Variants in EEA1 observed in about 807,000 individuals in gnomAD.
The protein encoded by EEA1 is early endosome antigen 1.
A neutral mutation model predicts 209.2 loss-of-function variants in EEA1; 111 were observed. That is an observed-to-expected ratio of 0.53 (90% confidence interval 0.45 to 0.62). The LOEUF is 0.62. EEA1 is among the 20% of genes least tolerant of loss of function. The pLI is 0.00. For synonymous variants in EEA1, 536 were observed against 540.6 expected, an observed-to-expected ratio of 0.99 and a Z score of 0.12; for missense variants, 1,343 against 1,530.8, an observed-to-expected ratio of 0.88 and a Z score of 2.05.
At chr12:92,847,928 CTAA>C (rs1294235314) in intron 9 of EEA1, among the ~76,000 whole-genome samples, 1 of 151,928 alleles carries the variant, frequency 6.6e-6, no homozygotes, top group African/African-American at 2.4e-5. Context: ...GAGTTTGTTT[CTAA>C]TAATAATATT....
Position 92,827,894 on chromosome 12 carries a change from T to C in EEA1, c.1404+18A>G. 2.0e-6 allele frequency: 3 copies of C among 1,525,630 alleles called. No individual in the cohort carries two copies. The highest frequency in any genetic ancestry group is 2.6e-6 in the Non-Finnish European group (3 of 1,141,194). The allele number at this position is 1,525,630 out of a possible 1,614,324, so 94.5% of individuals were successfully genotyped here. A position where few individuals can be genotyped will look rare whatever the true frequency, so the allele number is the denominator to read the frequency against. On this transcript the variant is annotated intron_variant, in intron 12 of 28. Coordinates refer to ENST00000322349, the MANE Select transcript of EEA1 (RefSeq NM_003566.4). The stretch of plus-strand genomic sequence containing the variant: ...AAGATGCCTCAAGCCTATCAATAAA[T>C]TGAAAATGCTAGCTTACCTGCTCTT...
chr12:92,810,268 AAT>A, intron 17 of EEA1, among the ~76,000 whole-genome samples: 1 of 152,284 alleles, frequency 6.6e-6, no homozygotes, highest in African/African-American at 2.4e-5. Flanking sequence ...CTATATAAAA[AAT>A]ATGATACTCC....
intron 10 of EEA1, among the ~76,000 whole-genome samples, chr12:92,837,678 A>C (rs1010609193): frequency 1.3e-5 from 2 of 152,188 alleles, no homozygotes; most frequent in African/African-American, 2.4e-5. Flanking sequence ...CAATTTTTCC[A>C]TTATGTTTTT....
Position 92,778,103 on chromosome 12 carries a change from G to A in EEA1, c.3731C>T (p.Thr1244Ile). 1 of 1,613,362 alleles carries A rather than the reference G, an allele frequency of 6.2e-7. No homozygotes were observed. The highest frequency in any genetic ancestry group is 8.5e-7 in the Non-Finnish European group (1 of 1,179,524). Reference protein sequence around the residue: ...ENEAKLTMQITALNENLGTVK... With the variant: ...ENEAKLTMQIIALNENLGTVK... Reference sequence around the variant, plus strand: ...AGTGCCTAAGTTTTCATTTAATGCTGTAATCTGCATGGTAAGTTTAGCCTC... The same window carrying A: ...AGTGCCTAAGTTTTCATTTAATGCTATAATCTGCATGGTAAGTTTAGCCTC... The change falls in exon 26 of 29, where the codon ACA becomes ATA. Residue 1244 changes from threonine to isoleucine, a missense_variant. This residue lies in a region of EEA1 where 1,307 missense variants were observed against 1,465.5 expected (regional missense o/e 0.89). Coordinates refer to ENST00000322349, the MANE Select transcript of EEA1 (RefSeq NM_003566.4).
intron 1 of EEA1, among the ~76,000 whole-genome samples, chr12:92,909,738 C>T (rs150018788): frequency 1.3e-5 from 2 of 152,266 alleles, no homozygotes; most frequent in East Asian, 1.9e-4. Context: ...AGCTTGTGGC[C>T]GAGCATGGTG....
chr12:92,877,147 T>C (rs527309369), intron 2 of EEA1, among the ~76,000 whole-genome samples: 90 of 150,094 alleles, frequency 6.0e-4, no homozygotes, highest in South Asian at 3.4e-3. Flanking sequence ...TTTTTTTTTT[T>C]TTTGTATTTT....
intron 1 of EEA1, among the ~76,000 whole-genome samples, chr12:92,907,615 C>T (rs1304661998): frequency 6.6e-6 from 1 of 152,162 alleles, no homozygotes; most frequent in Non-Finnish European, 1.5e-5. Context: ...TAATATAGCA[C>T]TCTATACCTC....
chr12:92,856,655 T>C (rs1479511059), intron 5 of EEA1, among the ~76,000 whole-genome samples: 2 of 152,048 alleles, frequency 1.3e-5, no homozygotes, highest in African/African-American at 4.8e-5. Context: ...ACTTAAATGC[T>C]TTGAAGACTC....
At chr12:92,853,376 G>A (rs916822081) in intron 6 of EEA1, among the ~76,000 whole-genome samples, 6 of 151,884 alleles carry the variant, frequency 4.0e-5, no homozygotes, top group Admixed American at 6.6e-5. Flanking sequence ...ATGGGGTCTC[G>A]CTATGTTACG....
Position 92,828,071 on chromosome 12 carries a change from A to T in EEA1, c.1255-10T>A, listed in dbSNP as rs768439129. On this transcript the variant is annotated splice_polypyrimidine_tract_variant and intron_variant, in intron 11 of 28. Transcript: ENST00000322349. ...GAAGTTTGCTATGTAACTTTAAAAA[A>T]AGAAAAAAAAATGTATGTACATATG... is the stretch of plus-strand genomic sequence containing the variant. 2.6e-6 allele frequency: 4 copies of T among 1,549,966 alleles called. No individual in the cohort carries two copies. The highest frequency in any genetic ancestry group is 3.5e-6 in the Non-Finnish European group (4 of 1,156,628).
intron 3 of EEA1, among the ~76,000 whole-genome samples, chr12:92,862,199 T>A (rs1279565214): frequency 7.0e-6 from 1 of 143,414 alleles, no homozygotes; most frequent in African/African-American, 2.6e-5. Context: ...GAAGAAGAGA[T>A]ACAATACAAT....
At chr12:92,817,615 CAT>C (rs979202843) in intron 14 of EEA1, among the ~76,000 whole-genome samples, 6 of 152,150 alleles carry the variant, frequency 3.9e-5, no homozygotes, top group African/African-American at 1.4e-4. Flanking sequence ...CTGGTGACTC[CAT>C]CATCTCTTAC....
Position 92,772,647 on chromosome 12 carries a change from A to C in EEA1, c.*3364T>G, listed in dbSNP as rs183252016. 7.9e-5 allele frequency: 12 copies of C among 152,424 alleles called. No individual in the cohort carries two copies. In the East Asian group the frequency reaches 2.3e-3, roughly 29 times the overall value. The allele number at this position is 152,424 out of a possible 1,614,324, so 9.4% of individuals were successfully genotyped here. A position where few individuals can be genotyped will look rare whatever the true frequency, so the allele number is the denominator to read the frequency against. Reference sequence around the variant, plus strand: ...TTATCAGTTACATTTATAATTAATAACCTTCCAATCACTGAGTTTAGAAAT... The same window carrying C: ...TTATCAGTTACATTTATAATTAATACCCTTCCAATCACTGAGTTTAGAAAT... On this transcript the variant is annotated 3_prime_UTR_variant, in exon 29 of 29. Transcript: ENST00000322349.
chr12:92,911,698 A>G (rs1414964831), intron 1 of EEA1, among the ~76,000 whole-genome samples: 1 of 152,176 alleles, frequency 6.6e-6, no homozygotes, highest in Non-Finnish European at 1.5e-5. Context: ...TCTAGTGGGG[A>G]ATGTTGATAA....
chr12:92,846,166 T>C (rs1251901608), intron 9 of EEA1, among the ~76,000 whole-genome samples: 1 of 152,220 alleles, frequency 6.6e-6, no homozygotes, highest in African/African-American at 2.4e-5. Flanking sequence ...TTCAAAGCTC[T>C]AAGATTGCCT....
chr12:92,865,955 G>A (rs1256448978), intron 2 of EEA1, among the ~76,000 whole-genome samples: 1 of 151,344 alleles, frequency 6.6e-6, no homozygotes, highest in Non-Finnish European at 1.5e-5. Context: ...TCGCCATGTT[G>A]GCCCGGTGGT....
chr12:92,843,483 T>C (rs1022357109), intron 9 of EEA1, among the ~76,000 whole-genome samples: 4 of 152,192 alleles, frequency 2.6e-5, no homozygotes. Flanking sequence ...TGAAAATCAC[T>C]TTTTATTACT....
intron 2 of EEA1, among the ~76,000 whole-genome samples, chr12:92,871,430 A>AAG (rs1175155623): frequency 6.6e-6 from 1 of 152,210 alleles, no homozygotes; most frequent in Non-Finnish European, 1.5e-5. Flanking sequence ...AGTCATTAAG[A>AAG]AGTTCCTGTC....
intron 1 of EEA1, among the ~76,000 whole-genome samples, chr12:92,926,189 C>T (rs1881207739): frequency 6.6e-6 from 1 of 152,008 alleles, no homozygotes; most frequent in Admixed American, 6.6e-5. Flanking sequence ...GTCAGGGTTT[C>T]TCCATGTTGG....
Sources: allele counts gnomAD v4.1 joint callset (sites outside exome capture counted in the v4.1 genomes callset), GRCh38; gene constraint gnomAD v4.1.1; regional missense constraint gnomAD v4.1.1; transcripts MANE v1.5; gene names NCBI Gene and HGNC (gene_info 2026-07-23, HGNC 2026-07-21).